Variants in TAFA5 observed in about 807,000 individuals in gnomAD.
TAFA5 encodes the protein chemokine-like protein TAFA-5.
Under a neutral mutation model 15.3 loss-of-function variants are expected in TAFA5, and 6 were observed. That is an observed-to-expected ratio of 0.39 (90% CI 0.21 to 0.77). The LOEUF is 0.77. TAFA5 is among the 30% of genes least tolerant of loss of function. TAFA5 has a pLI of 0.41. For missense variants in TAFA5, 161 were observed against 193.1 expected (o/e 0.83, Z 0.98); for synonymous variants, 103 against 80.7 (o/e 1.28, Z -1.48).
intron 1 of TAFA5, among the ~76,000 whole-genome samples, chr22:48,504,472 A>G (rs926591597): frequency 6.6e-5 from 10 of 152,118 alleles, no homozygotes; most frequent in East Asian, 1.9e-4. Flanking sequence ...AAGGAGTCCA[A>G]TGACATTCTT....
intron 2 of TAFA5, among the ~76,000 whole-genome samples, chr22:48,652,439 A>G (rs1353660005): frequency 1.3e-5 from 2 of 152,158 alleles, no homozygotes; most frequent in Non-Finnish European, 2.9e-5. Context: ...TGTTCATACA[A>G]CATGGGGACA....
intron 2 of TAFA5, among the ~76,000 whole-genome samples, chr22:48,699,960 G>A (rs1356962295): frequency 6.6e-6 from 1 of 152,132 alleles, no homozygotes; most frequent in Non-Finnish European, 1.5e-5. Context: ...CTTCCTGTTG[G>A]AATTTACACG....
chr22:48,673,947 G>A (rs1927883478), intron 2 of TAFA5, among the ~76,000 whole-genome samples: 1 of 152,116 alleles, frequency 6.6e-6, no homozygotes, highest in Admixed American at 6.5e-5. Flanking sequence ...CTGGGGTCGG[G>A]TGTCTAGTGA....
intron 2 of TAFA5, among the ~76,000 whole-genome samples, chr22:48,682,698 C>T (rs1373289617): frequency 2.0e-5 from 3 of 152,204 alleles, no homozygotes; most frequent in African/African-American, 7.2e-5. Flanking sequence ...AGCCTGACGG[C>T]ATTTGCATAT....
intron 1 of TAFA5, among the ~76,000 whole-genome samples, chr22:48,536,189 G>A (rs1321723760): frequency 6.6e-6 from 1 of 152,160 alleles, no homozygotes; most frequent in Non-Finnish European, 1.5e-5. Context: ...CCCATGCCCC[G>A]ACACACACAC....
chr22:48,569,538 G>C (rs1273715070), intron 1 of TAFA5, among the ~76,000 whole-genome samples: 1 of 152,136 alleles, frequency 6.6e-6, no homozygotes, highest in Admixed American at 6.5e-5. Context: ...GCATTCCTGT[G>C]AGCACCATGG....
At chr22:48,527,334 G>A (rs1272019710) in intron 1 of TAFA5, among the ~76,000 whole-genome samples, 1 of 152,244 alleles carries the variant, frequency 6.6e-6, no homozygotes, top group African/African-American at 2.4e-5. Context: ...TTCTTACAGC[G>A]CAGCTGGTAC....
intron 3 of TAFA5, 73 bp downstream of exon 3, chr22:48,707,917 G>A (rs1463808169): frequency 1.0e-5 from 16 of 1,544,412 alleles, no homozygotes; most frequent in South Asian, 3.7e-5. Context: ...GACGCCACCC[G>A]GGCTCCGCGG....
At chr22:48,684,193 G>A (rs189795664) in intron 2 of TAFA5, among the ~76,000 whole-genome samples, 32 of 152,218 alleles carry the variant, frequency 2.1e-4, no homozygotes, top group East Asian at 1.4e-3. Context: ...GCAGAAGTGC[G>A]TGGGGATGGC....
intron 1 of TAFA5, among the ~76,000 whole-genome samples, chr22:48,524,061 C>T (rs1289334320): frequency 1.3e-5 from 2 of 152,248 alleles, no homozygotes; most frequent in East Asian, 1.9e-4. Flanking sequence ...TAGCATGATG[C>T]GGTCCCCCAT....
rs143288464 is a variant in TAFA5, at chr22:48,693,660, G to C, written c.263-14057G>C. ...TTATTCCTGCTCTCTCTCTGTCTCA[G>C]TCCCGCACCACACCGGGCTTTGGTC... On this transcript the variant is annotated intron_variant, in intron 2 of 3. Coordinates refer to ENST00000402357, the MANE Select transcript of TAFA5 (RefSeq NM_001082967.3). Among the ~76,000 whole-genome samples, 10 of 152,186 alleles carry C rather than the reference G, an allele frequency of 6.6e-5. No individual in the cohort carries two copies. In the East Asian group the frequency reaches 1.9e-3, roughly 30 times the overall value.
chr22:48,525,141 A>G (rs971560753), intron 1 of TAFA5, among the ~76,000 whole-genome samples: 1 of 152,168 alleles, frequency 6.6e-6, no homozygotes, highest in Non-Finnish European at 1.5e-5. Flanking sequence ...CTCCCATCCC[A>G]AGACCCTTGA....
At chr22:48,717,311 G>A (rs911010091) in intron 3 of TAFA5, among the ~76,000 whole-genome samples, 5 of 152,204 alleles carry the variant, frequency 3.3e-5, no homozygotes, top group Admixed American at 1.3e-4. Context: ...GGAACGGGCC[G>A]TCAAGGGTGC....
chr22:48,709,060 G>A (rs768558532), intron 3 of TAFA5, among the ~76,000 whole-genome samples: 6 of 152,162 alleles, frequency 3.9e-5, no homozygotes, highest in Non-Finnish European at 7.4e-5. Context: ...TGGGCAAGGC[G>A]GCACTCCAAG....
chr22:48,536,496 C>T (rs1427299434), intron 1 of TAFA5, among the ~76,000 whole-genome samples: 2 of 152,244 alleles, frequency 1.3e-5, no homozygotes, highest in Admixed American at 6.5e-5. Context: ...ATGGCTCAGG[C>T]GTGCGCCGTG....
At chr22:48,571,628 A>C (rs1338603876) in intron 1 of TAFA5, among the ~76,000 whole-genome samples, 1 of 98,820 alleles carries the variant, frequency 1.0e-5, no homozygotes, top group Non-Finnish European at 2.0e-5. Flanking sequence ...AAATTCTGCA[A>C]GGTTTTCTTG....
At chr22:48,715,349 G>A (rs1045295978) in intron 3 of TAFA5, among the ~76,000 whole-genome samples, 5 of 152,228 alleles carry the variant, frequency 3.3e-5, no homozygotes, top group Non-Finnish European at 2.9e-5. Flanking sequence ...CGTAGAGGCC[G>A]CAAGGAGTCA....
At chr22:48,689,677 C>T (rs116964398) in intron 2 of TAFA5, among the ~76,000 whole-genome samples, 8,390 of 152,214 alleles carry the variant, frequency 0.055, 342 homozygotes, top group Non-Finnish European at 0.085. Context: ...ACTGGCCTGT[C>T]CCCCACCCAC....
chr22:48,737,041 C>T lies in TAFA5; in HGVS notation c.391-12798C>T, dbSNP rs569027302. ...TTGAGGCAGAGAGGCCCTGACCCGT[C>T]TCTCCCCTGGTCCCCAGGGGCTCTG... On this transcript the variant is annotated intron_variant, in intron 3 of 3. Transcript: ENST00000402357. 2.6e-5 allele frequency among the ~76,000 whole-genome samples: 4 copies of T among 152,322 alleles called. No individual in the cohort carries two copies. In the East Asian group the frequency reaches 7.7e-4, roughly 29 times the overall value.
Sources: allele counts gnomAD v4.1 joint callset (sites outside exome capture counted in the v4.1 genomes callset), GRCh38; gene constraint gnomAD v4.1.1; transcripts MANE v1.5; gene names NCBI Gene and HGNC (gene_info 2026-07-23, HGNC 2026-07-21).